The following SLC15A3 variants were observed in gnomAD, a reference collection of about 807,000 sequenced individuals.
The protein encoded by SLC15A3 is osteoclast transporter.
Under a neutral mutation model 49.2 loss-of-function variants are expected in SLC15A3, and 39 were observed. The ratio of observed to expected loss-of-function variants is 0.79; its 90% confidence interval spans 0.61 to 1.04. The LOEUF (loss-of-function observed/expected upper bound fraction) is 1.04. SLC15A3 is among the 50% of genes least tolerant of loss of function. SLC15A3 has a pLI of 0.00. For synonymous variants in SLC15A3, 339 were observed against 367.0 expected, an observed-to-expected ratio of 0.92 and a Z score of 0.87; for missense variants, 758 against 794.8, an observed-to-expected ratio of 0.95 and a Z score of 0.56.
At chr11:60,937,848 C>G (rs1185119122) in intron 7 of SLC15A3, 22 bp downstream of exon 7, 2 of 1,610,702 alleles carry the variant, frequency 1.2e-6, no homozygotes, top group African/African-American at 2.7e-5. Context: ...ATGTCCCACT[C>G]CTGGGGAGGC....
At chr11:60,948,940 T>A (rs2469883) in intron 1 of SLC15A3, among the ~76,000 whole-genome samples, 22,800 of 152,010 alleles carry the variant, frequency 0.15, 4,520 homozygotes, top group African/African-American at 0.46. Context: ...GGGGTGCTAG[T>A]GGGATGTCAA....
At chr11:60,946,506 TC>T (rs900714605) in intron 2 of SLC15A3, 25 bp downstream of exon 2, 3 of 1,527,898 alleles carry the variant, frequency 2.0e-6, no homozygotes, top group Non-Finnish European at 2.6e-6. Context: ...GCTTGGAGGC[TC>T]CCTGCACCCA....
At chr11:60,946,899 A>G in intron 1 of SLC15A3, 78 bp from the exon 2 acceptor site, 1 of 1,487,682 alleles carries the variant, frequency 6.7e-7, no homozygotes, top group Non-Finnish European at 9.0e-7. Flanking sequence ...TCCCTCCTAC[A>G]GAGACACTTC....
intron 2 of SLC15A3, among the ~76,000 whole-genome samples, chr11:60,944,150 C>T (rs1856767825): frequency 6.6e-6 from 1 of 152,166 alleles, no homozygotes; most frequent in Non-Finnish European, 1.5e-5. Flanking sequence ...CAGAGCCAGA[C>T]TCCCTCTCAA....
intron 3 of SLC15A3, chr11:60,942,935 C>T (rs1049801090): frequency 7.5e-6 from 1 of 133,022 alleles, no homozygotes; most frequent in Non-Finnish European, 1.6e-5. Flanking sequence ...GCCCACCCTC[C>T]TATCACACAC....
chr11:60,942,223 G>C, intron 3 of SLC15A3, 78 bp from the exon 4 acceptor site: 1 of 1,218,068 alleles, frequency 8.2e-7, no homozygotes. Flanking sequence ...ATTCCTCAGC[G>C]CCGTACCACA....
intron 2 of SLC15A3, among the ~76,000 whole-genome samples, chr11:60,944,432 C>T (rs1381948938): frequency 1.3e-5 from 2 of 152,104 alleles, no homozygotes; most frequent in East Asian, 1.9e-4. Context: ...ATTCACATCA[C>T]CATCACTCTT....
At chr11:60,944,701 C>G (rs144303958) in intron 2 of SLC15A3, among the ~76,000 whole-genome samples, 2 of 152,128 alleles carry the variant, frequency 1.3e-5, no homozygotes, top group African/African-American at 4.8e-5. Context: ...AATTCCCCCC[C>G]CTTGCTGTCT....
At chr11:60,949,503 G>GGAAGGAAA (rs1856864501) in intron 1 of SLC15A3, among the ~76,000 whole-genome samples, 1 of 64,722 alleles carries the variant, frequency 1.5e-5, no homozygotes, top group Admixed American at 1.8e-4. Context: ...AAAGAAAGAA[G>GGAAGGAAA]GAAAGAAAGA....
In SLC15A3 at chr11:60,951,951, C is replaced by T. The variant is rs1482920924; in HGVS notation, c.-400G>A. 6.6e-6 allele frequency among the ~76,000 whole-genome samples: 1 copy of T among 151,956 alleles called. No individual in the cohort carries two copies. Among genetic ancestry groups the T allele is most frequent in the Non-Finnish European group, 1.5e-5 (1 of 67,968 alleles). ...CTGCCCCTCCGCCTCCCTTTCCCCTCCCCGTTTGTCGCCCCTTCCTGTTGT... is the reference window on the plus strand; with the variant it reads ...CTGCCCCTCCGCCTCCCTTTCCCCTTCCCGTTTGTCGCCCCTTCCTGTTGT... On this transcript the variant is annotated 5_prime_UTR_variant, in exon 1 of 8. Transcript: ENST00000227880.
rs1856629852 is a variant in SLC15A3, at chr11:60,937,258, G to A, written c.1707C>T (p.Gly569=). Residue 569 remains glycine, a synonymous_variant, in exon 8 of 8, where the codon GGC becomes GGT. Transcript: ENST00000227880. ...TGCTGAAACGGCTGTGGGAGGCTGG[G>A]CCCTGGGACGCCCTCTCATAGCGTC... is the stretch of plus-strand genomic sequence containing the variant. ...IAGRYERASQ[G]PASHSRFSRD... 6 of 1,614,138 alleles carry A rather than the reference G, an allele frequency of 3.7e-6. No homozygotes were observed. In the East Asian group the frequency reaches 1.3e-4, roughly 36 times the overall value.
At chr11:60,938,098 T>G (rs1856650969) in intron 6 of SLC15A3, 73 bp from the exon 7 acceptor site, 6 of 1,521,554 alleles carry the variant, frequency 3.9e-6, no homozygotes, top group Non-Finnish European at 4.4e-6. Context: ...CCCTGCTTGC[T>G]GCCCCTGACC....
chr11:60,943,839 G>A lies in SLC15A3; in HGVS notation c.849-3C>T. 1 of 1,561,336 alleles carries A rather than the reference G, an allele frequency of 6.4e-7. No individual in the cohort carries two copies. Among genetic ancestry groups the A allele is most frequent in the Non-Finnish European group, 8.7e-7 (1 of 1,149,024 alleles). ...GCACGCGGGCACATTGACGGTCTCT[G>A]TGAGACCCCAGAGGCAGCAGATAAA... On this transcript the variant is annotated splice_region_variant and splice_polypyrimidine_tract_variant and intron_variant, in intron 2 of 7. Coordinates refer to ENST00000227880, the MANE Select transcript of SLC15A3 (RefSeq NM_016582.3).
intron 1 of SLC15A3, among the ~76,000 whole-genome samples, chr11:60,947,369 C>T (rs1248597978): frequency 6.6e-5 from 10 of 152,082 alleles, no homozygotes; most frequent in African/African-American, 1.9e-4. Context: ...TTAGTAGAGA[C>T]GGGGTTTCAC....
chr11:60,949,310 G>C (rs750014123), intron 1 of SLC15A3, among the ~76,000 whole-genome samples: 1 of 151,146 alleles, frequency 6.6e-6, no homozygotes, highest in African/African-American at 2.4e-5. Flanking sequence ...GCACTCCAGC[G>C]TAGGCAACAG....
chr11:60,937,975 T>A lies in SLC15A3; in HGVS notation c.1486A>T (p.Met496Leu), dbSNP rs772094365. 2 of 1,614,012 alleles carry A rather than the reference T, an allele frequency of 1.2e-6. No homozygotes were observed. Among genetic ancestry groups the A allele is most frequent in the African/African-American group, 1.3e-5 (1 of 74,942 alleles). The change falls in exon 7 of 8, where the codon ATG (methionine) becomes TTG (leucine). Residue 496 changes from methionine to leucine, a missense_variant. By Grantham distance (15) the Met-to-Leu change is conservative. This residue lies in a region of SLC15A3 where 699 missense variants were observed against 706.7 expected (regional missense o/e 0.99). Transcript: ENST00000227880. ...CCCGACAGGCAGAAGAAGATGCCCATGATGGCGCCCTGCATGGAGCGCGGG... is the reference window on the plus strand; with the variant it reads ...CCCGACAGGCAGAAGAAGATGCCCAAGATGGCGCCCTGCATGGAGCGCGGG... ...EAPRSMQGAI[M>L]GIFFCLSGVG... is the part of the protein sequence containing the mutation.
chr11:60,941,420 T>G, intron 4 of SLC15A3, 130 bp from the exon 5 acceptor site: 1 of 882,538 alleles, frequency 1.1e-6, no homozygotes, highest in Non-Finnish European at 1.7e-6. Flanking sequence ...CTGGAGTTCA[T>G]GCTCCTCAGC....
intron 6 of SLC15A3, 47 bp from the exon 7 acceptor site, chr11:60,938,072 G>C (rs757532056): frequency 1.3e-6 from 2 of 1,597,162 alleles, no homozygotes; most frequent in South Asian, 1.1e-5. Context: ...TGCAGGCGCA[G>C]AGAACAGGCC....
chr11:60,951,121 GGGCA>G lies in SLC15A3; in HGVS notation c.427_430del (p.Cys143ProfsTer44). 6.7e-7 allele frequency: 1 copy of G among 1,483,652 alleles called. No homozygotes were observed. The highest frequency in any genetic ancestry group is 8.9e-7 in the Non-Finnish European group (1 of 1,126,266). 91.9% of individuals were successfully genotyped at this position (1,483,652 alleles called of 1,614,324 possible). On this transcript the variant is annotated frameshift_variant, in exon 1 of 8. Coordinates refer to ENST00000227880, the MANE Select transcript of SLC15A3 (RefSeq NM_016582.3). LOFTEE classifies it high-confidence loss of function. Reference sequence around the variant, plus strand: ...CGAGGAGCGCGGGCAGCCGGCCGAGGGGCAGGCAGGTCCCAGCGGCGACGCGGGC... The same window carrying G: ...CGAGGAGCGCGGGCAGCCGGCCGAGGGGCAGGTCCCAGCGGCGACGCGGGC...
Sources: allele counts gnomAD v4.1 joint callset (sites outside exome capture counted in the v4.1 genomes callset), GRCh38; gene constraint gnomAD v4.1.1; regional missense constraint gnomAD v4.1.1; transcripts MANE v1.5; gene names NCBI Gene and HGNC (gene_info 2026-07-23, HGNC 2026-07-21).